PLCL1: variants seen among roughly 807,000 people sequenced by gnomAD.
PLCL1 encodes the protein phospholipase C like 1 (inactive).
A neutral mutation model predicts 84.4 loss-of-function variants in PLCL1; 41 were observed. The observed-to-expected ratio is 0.49, with a 90% CI of 0.38 to 0.63. The LOEUF (loss-of-function observed/expected upper bound fraction) is 0.63. Among genes scored for constraint, PLCL1 ranks in the 30% least tolerant of loss-of-function variants. The pLI is 0.00. For missense variants in PLCL1, 1,206 were observed against 1,367.8 expected (o/e 0.88, Z 1.87); for synonymous variants, 490 against 488.3 (o/e 1.00, Z -0.05).
rs1009635145 is a variant in PLCL1, at chr2:198,148,618, T to C, written c.*1656T>C. ...CTACAATGGCCTGAAAAAATTTCTT[T>C]ACCCTCTGTTATATTTAACTTGCTG... On this transcript the variant is annotated 3_prime_UTR_variant, in exon 6 of 6. Transcript: ENST00000428675. 3.9e-5 allele frequency: 6 copies of C among 152,194 alleles called. No individual in the cohort carries two copies. The highest frequency in any genetic ancestry group is 1.2e-4 in the African/African-American group (5 of 41,310). 9.4% of individuals were successfully genotyped at this position (152,194 alleles called of 1,614,324 possible). A position where few individuals can be genotyped will look rare whatever the true frequency, so the allele number is the denominator to read the frequency against.
intron 1 of PLCL1, among the ~76,000 whole-genome samples, chr2:197,937,330 G>A (rs781188066): frequency 2.0e-5 from 3 of 152,128 alleles, no homozygotes; most frequent in Non-Finnish European, 2.9e-5. Context: ...TGAAATTTTG[G>A]TGGGGATTGC....
intron 1 of PLCL1, among the ~76,000 whole-genome samples, chr2:198,047,165 ATGTGTGTGTGTG>A (rs10560234): frequency 1.3e-5 from 2 of 148,738 alleles, no homozygotes; most frequent in South Asian, 2.1e-4. Context: ...ATGTGTGTGT[ATGTGTGTGTGTG>A]TGTGTGTGTG....
At chr2:197,886,834 C>T (rs972998234) in intron 1 of PLCL1, among the ~76,000 whole-genome samples, 5 of 152,130 alleles carry the variant, frequency 3.3e-5, no homozygotes, top group African/African-American at 4.8e-5. Context: ...GGGTTTAGCT[C>T]GGGGCAGTAG....
At chr2:197,954,870 T>A (rs1689455067) in intron 1 of PLCL1, among the ~76,000 whole-genome samples, 2 of 152,184 alleles carry the variant, frequency 1.3e-5, no homozygotes, top group African/African-American at 4.8e-5. Flanking sequence ...GAGGCTAAAG[T>A]GTATTACAGG....
intron 1 of PLCL1, among the ~76,000 whole-genome samples, chr2:197,860,122 T>C (rs1359710750): frequency 1.3e-5 from 2 of 152,092 alleles, no homozygotes; most frequent in Non-Finnish European, 2.9e-5. Flanking sequence ...TAAGCATATG[T>C]GGTATGTGGT....
At chr2:198,056,775 C>T (rs1158546284) in intron 1 of PLCL1, among the ~76,000 whole-genome samples, 1 of 152,238 alleles carries the variant, frequency 6.6e-6, no homozygotes, top group Non-Finnish European at 1.5e-5. Context: ...AGTCCCTGAG[C>T]GATGGTTGAG....
chr2:197,882,081 C>G (rs1687840374), intron 1 of PLCL1, among the ~76,000 whole-genome samples: 1 of 152,082 alleles, frequency 6.6e-6, no homozygotes, highest in Non-Finnish European at 1.5e-5. Context: ...CACCCCCCAC[C>G]CCAAATTATA....
intron 1 of PLCL1, among the ~76,000 whole-genome samples, chr2:198,035,290 C>T (rs942407186): frequency 6.6e-6 from 1 of 152,166 alleles, no homozygotes; most frequent in African/African-American, 2.4e-5. Flanking sequence ...CTATGTAGAT[C>T]AATCTAATTG....
At chr2:198,138,614 G>A (rs763223895) in intron 5 of PLCL1, among the ~76,000 whole-genome samples, 2 of 152,084 alleles carry the variant, frequency 1.3e-5, no homozygotes, top group Non-Finnish European at 2.9e-5. Context: ...TGAGAGGTAA[G>A]TCTAAATGAA....
At chr2:197,874,094 A>G (rs1212692276) in intron 1 of PLCL1, among the ~76,000 whole-genome samples, 1 of 152,196 alleles carries the variant, frequency 6.6e-6, no homozygotes, top group Non-Finnish European at 1.5e-5. Context: ...TTCATTTTAT[A>G]GCACTTGCTC....
At chr2:198,101,524 T>C (rs1026503515) in intron 4 of PLCL1, among the ~76,000 whole-genome samples, 164 bp downstream of exon 4, 2 of 152,036 alleles carry the variant, frequency 1.3e-5, no homozygotes, top group Admixed American at 6.6e-5. Context: ...AGTCTTTGTT[T>C]AGTACAGATG....
intron 5 of PLCL1, among the ~76,000 whole-genome samples, chr2:198,146,093 G>T (rs918244790): frequency 3.3e-5 from 5 of 152,166 alleles, no homozygotes; most frequent in African/African-American, 4.8e-5. Flanking sequence ...TCTCTGTTGG[G>T]CACTGATGTA....
At chr2:198,098,221 T>G (rs969683209) in intron 3 of PLCL1, among the ~76,000 whole-genome samples, 5 of 152,164 alleles carry the variant, frequency 3.3e-5, no homozygotes, top group Non-Finnish European at 5.9e-5. Flanking sequence ...AGCTTTTTAT[T>G]GACTCACATT....
intron 1 of PLCL1, among the ~76,000 whole-genome samples, chr2:197,998,254 A>T (rs917717014): frequency 1.5e-5 from 2 of 134,320 alleles, no homozygotes; most frequent in African/African-American, 5.5e-5. Context: ...GCATGTGTGT[A>T]TGTGTATGTG....
intron 1 of PLCL1, among the ~76,000 whole-genome samples, chr2:198,034,722 T>C (rs1379830737): frequency 6.6e-6 from 1 of 152,224 alleles, no homozygotes; most frequent in Non-Finnish European, 1.5e-5. Flanking sequence ...GATTGTCTCA[T>C]CAATGTCATC....
intron 1 of PLCL1, among the ~76,000 whole-genome samples, chr2:197,841,465 T>C (rs913002206): frequency 6.6e-6 from 1 of 152,216 alleles, no homozygotes; most frequent in African/African-American, 2.4e-5. Flanking sequence ...GACTCAACTA[T>C]GTATAGTGTT....
At chr2:197,948,058 AG>A (rs1689316360) in intron 1 of PLCL1, among the ~76,000 whole-genome samples, 1 of 152,150 alleles carries the variant, frequency 6.6e-6, no homozygotes, top group Non-Finnish European at 1.5e-5. Flanking sequence ...ATAATTGTCC[AG>A]GTTAAAAGTG....
chr2:197,902,172 G>T (rs1360688805), intron 1 of PLCL1, among the ~76,000 whole-genome samples: 1 of 152,118 alleles, frequency 6.6e-6, no homozygotes, highest in Non-Finnish European at 1.5e-5. Context: ...CCCATTTTCT[G>T]CATTACGACC....
At chr2:197,839,547 A>G (rs1686942158) in intron 1 of PLCL1, among the ~76,000 whole-genome samples, 1 of 152,132 alleles carries the variant, frequency 6.6e-6, no homozygotes, top group African/African-American at 2.4e-5. Flanking sequence ...TCAGTTGCTC[A>G]CCTGCAGCTC....
Sources: allele counts gnomAD v4.1 joint callset (sites outside exome capture counted in the v4.1 genomes callset), GRCh38; gene constraint gnomAD v4.1.1; transcripts MANE v1.5; gene names NCBI Gene and HGNC (gene_info 2026-07-23, HGNC 2026-07-21).